Variants in ADGB observed in about 807,000 individuals in gnomAD.
The protein encoded by ADGB is calpain-7-like protein.
A neutral mutation model predicts 210.5 loss-of-function variants in ADGB; 172 were observed. The ratio of observed to expected loss-of-function variants is 0.82; its 90% CI spans 0.72 to 0.93. ADGB has a LOEUF of 0.93. ADGB is among the 40% of genes least tolerant of loss of function. ADGB has a pLI of 0.00. For missense variants in ADGB, 2,025 were observed against 1,964.8 expected, an observed-to-expected ratio of 1.03 and a Z score of -0.58; for synonymous variants, 658 against 662.7, an observed-to-expected ratio of 0.99 and a Z score of 0.11.
chr6:146,744,021 C>T (rs1583618239), intron 25 of ADGB, among the ~76,000 whole-genome samples: 2 of 152,314 alleles, frequency 1.3e-5, no homozygotes, highest in Middle Eastern at 6.8e-3. Context: ...TTCCTCTCTT[C>T]ATAATTCTTG....
At chr6:146,798,765 G>A (rs1377474033) in intron 33 of ADGB, among the ~76,000 whole-genome samples, 1 of 151,110 alleles carries the variant, frequency 6.6e-6, no homozygotes, top group Non-Finnish European at 1.5e-5. Flanking sequence ...ACATATTGAT[G>A]AACAATCAAA....
chr6:146,691,445 A>ATATAAAATATATATATAAAT lies in ADGB; in HGVS notation c.1486+155_1486+156insTATAAAATATATATATAAAT, dbSNP rs1419237911. 4.3e-4 allele frequency among the ~76,000 whole-genome samples: 7 copies of ATATAAAATATATATATAAAT among 16,440 alleles called. 1 individual carries two copies. Among genetic ancestry groups the ATATAAAATATATATATAAAT allele is most frequent in the South Asian group, 6.4e-3 (2 of 312 alleles). 10.8% of individuals were successfully genotyped at this position (16,440 alleles called of 152,430 possible). The stretch of plus-strand genomic sequence containing the variant: ...ATATATATATATATATATATATAAA[A>ATATAAAATATATATATAAAT]ATATATATATATAAAAATATATATA... On this transcript the variant is annotated intron_variant, in intron 11 of 35. Transcript: ENST00000397944.
intron 13 of ADGB, among the ~76,000 whole-genome samples, chr6:146,705,718 C>T (rs1012654268): frequency 2.6e-5 from 4 of 151,964 alleles, no homozygotes; most frequent in South Asian, 2.1e-4. Context: ...TGTTCATCAG[C>T]GATATTGACC....
chr6:146,709,417 C>T (rs1490874311), intron 13 of ADGB, among the ~76,000 whole-genome samples: 1 of 152,174 alleles, frequency 6.6e-6, no homozygotes, highest in African/African-American at 2.4e-5. Flanking sequence ...GCAGGTTGCC[C>T]ACAGGCAGGT....
At chr6:146,669,783 C>A (rs1775981860) in intron 7 of ADGB, among the ~76,000 whole-genome samples, 1 of 152,034 alleles carries the variant, frequency 6.6e-6, no homozygotes, top group African/African-American at 2.4e-5. Context: ...GTCACCATTG[C>A]CCGAACTCTA....
chr6:146,685,039 G>A (rs1776205765), intron 9 of ADGB, among the ~76,000 whole-genome samples: 1 of 151,974 alleles, frequency 6.6e-6, no homozygotes, highest in African/African-American at 2.4e-5. Context: ...TTAAATGTCA[G>A]TATGTACGTT....
At chr6:146,654,774 T>C (rs990528961) in intron 4 of ADGB, among the ~76,000 whole-genome samples, 2 of 152,122 alleles carry the variant, frequency 1.3e-5, no homozygotes, top group African/African-American at 4.8e-5. Flanking sequence ...CCAGTTAATA[T>C]TGTGTATTAT....
chr6:146,643,624 G>A (rs1412981138), intron 2 of ADGB, among the ~76,000 whole-genome samples: 2 of 151,662 alleles, frequency 1.3e-5, no homozygotes, highest in Non-Finnish European at 2.9e-5. Context: ...CTCACTAACT[G>A]ACCCATAATA....
In ADGB at chr6:146,635,448, G is replaced by A; in HGVS notation, c.148G>A (p.Glu50Lys). Reference protein sequence around the residue: ...QKKGKFPLWPEWSEADINSEK... With the variant: ...QKKGKFPLWPKWSEADINSEK... ...GAAGGGGAAATTCCCACTCTGGCCAGAGTGGAGTGAAGCTGACATAAATTC... is the reference window on the plus strand; with the variant it reads ...GAAGGGGAAATTCCCACTCTGGCCAAAGTGGAGTGAAGCTGACATAAATTC... The change falls in exon 2 of 36, where the codon GAG becomes AAG. Residue 50 changes from glutamate (E) to lysine (K), a missense_variant. Coordinates refer to ENST00000397944, the MANE Select transcript of ADGB (RefSeq NM_024694.4). 1 of 1,548,608 alleles carries A rather than the reference G, an allele frequency of 6.5e-7. No individual in the cohort carries two copies. Among genetic ancestry groups the A allele is most frequent in the Non-Finnish European group, 8.7e-7 (1 of 1,145,348 alleles).
At chr6:146,631,279 T>C (rs76877742) in intron 1 of ADGB, among the ~76,000 whole-genome samples, 6,406 of 152,216 alleles carry the variant, frequency 0.042, 235 homozygotes, top group African/African-American at 0.1. Context: ...TGACCAGGTG[T>C]GTAGTGCTGG....
chr6:146,799,115 A>G (rs536798012), intron 33 of ADGB, among the ~76,000 whole-genome samples: 19 of 150,996 alleles, frequency 1.3e-4, no homozygotes, highest in South Asian at 6.3e-4. Context: ...AAGAAGATCC[A>G]AGTGGGAGGG....
At chr6:146,749,356 G>C (rs2114608710) in intron 26 of ADGB, among the ~76,000 whole-genome samples, 1 of 152,242 alleles carries the variant, frequency 6.6e-6, no homozygotes, top group East Asian at 1.9e-4. Context: ...AAGTGCCCAG[G>C]AAAGTTTGCA....
In ADGB at chr6:146,797,081, C is replaced by G. The variant is rs575371080; in HGVS notation, c.4538-4102C>G. On this transcript the variant is annotated intron_variant, in intron 33 of 35. Transcript: ENST00000397944. Reference sequence around the variant, plus strand: ...CAAAATAAGATACACAAATGGCCAACAAACATATGAAAAAATGCTCAACAT... The same window carrying G: ...CAAAATAAGATACACAAATGGCCAAGAAACATATGAAAAAATGCTCAACAT... Among the ~76,000 whole-genome samples the G allele has an allele frequency of 1.5e-4, 23 of 152,146 alleles. No individual in the cohort carries two copies. In the South Asian group the frequency reaches 4.8e-3, roughly 32 times the overall value.
intron 10 of ADGB, among the ~76,000 whole-genome samples, chr6:146,689,019 T>C (rs979273580): frequency 6.6e-5 from 10 of 152,158 alleles, no homozygotes; most frequent in African/African-American, 2.2e-4. Flanking sequence ...TTTCTCCTCT[T>C]GGGTATTCTA....
At chr6:146,639,650 C>T (rs1775478133) in intron 2 of ADGB, 1 of 151,928 alleles carries the variant, frequency 6.6e-6, no homozygotes, top group South Asian at 2.1e-4. Flanking sequence ...AAAGCTTTTT[C>T]AGATGGTAAA....
At chr6:146,620,142 A>C (rs978234951) in intron 1 of ADGB, among the ~76,000 whole-genome samples, 1 of 152,012 alleles carries the variant, frequency 6.6e-6, no homozygotes, top group African/African-American at 2.4e-5. Context: ...AGCCCCCTGA[A>C]AGTTATATTG....
intron 1 of ADGB, among the ~76,000 whole-genome samples, chr6:146,609,307 G>A (rs1191898441): frequency 6.6e-6 from 1 of 152,104 alleles, no homozygotes; most frequent in African/African-American, 2.4e-5. Context: ...AGACTATCTT[G>A]AGTCTTGCTT....
rs190192895 is a variant in ADGB, at chr6:146,806,001, A to G, written c.4818+3990A>G. Among the ~76,000 whole-genome samples, 12 of 152,308 alleles carry G rather than the reference A, an allele frequency of 7.9e-5. No individual in the cohort carries two copies. In the East Asian group the frequency reaches 2.1e-3, roughly 27 times the overall value. On this transcript the variant is annotated intron_variant, in intron 35 of 35. Transcript: ENST00000397944. The stretch of plus-strand genomic sequence containing the variant: ...GTTGTGTCCCCAGACCTTCAGAGGA[A>G]TGTCTGTTTTGCAAAAGTTTGTTTG...
At chr6:146,675,178 G>T (rs139377964) in intron 8 of ADGB, among the ~76,000 whole-genome samples, 159 of 152,140 alleles carry the variant, frequency 1.0e-3, no homozygotes, top group African/African-American at 3.7e-3. Context: ...TATGGGCCGG[G>T]CATAGTTGCT....
Sources: gnomAD v4.1 joint callset for allele counts (sites outside exome capture counted in the v4.1 genomes callset) on GRCh38, gnomAD v4.1.1 for gene constraint, MANE v1.5 for transcripts, NCBI Gene and HGNC (gene_info 2026-07-23, HGNC 2026-07-21) for gene names.